PHACTR3: variants seen among roughly 807,000 people sequenced by gnomAD.
The protein encoded by PHACTR3 is phosphatase and actin regulator 3, also known as protein phosphatase 1, regulatory subunit 123.
Under a neutral mutation model 66.8 loss-of-function variants are expected in PHACTR3, and 16 were observed. The observed-to-expected ratio is 0.24, with a 90% CI of 0.16 to 0.36. The LOEUF (loss-of-function observed/expected upper bound fraction) is 0.36. Among genes scored for constraint, PHACTR3 ranks in the 10% least tolerant of loss-of-function variants. PHACTR3 has a pLI of 1.00. For synonymous variants in PHACTR3, 323 were observed against 292.1 expected (o/e 1.11, Z -1.08); for missense variants, 647 against 719.9 (o/e 0.90, Z 1.16).
At chr20:59,743,296 G>A in intron 2 of PHACTR3, 28 bp downstream of exon 2, 2 of 1,611,620 alleles carry the variant, frequency 1.2e-6, no homozygotes, top group Non-Finnish European at 1.7e-6. Flanking sequence ...GGCGCGGGCA[G>A]GCTGTGGCTG....
intron 4 of PHACTR3, among the ~76,000 whole-genome samples, chr20:59,759,926 G>T (rs916293916): frequency 6.2e-4 from 94 of 152,174 alleles, no homozygotes; most frequent in African/African-American, 2.1e-3. Flanking sequence ...GAAACCTCAT[G>T]GGGGCCCAGA....
chr20:59,830,945 A>G lies in PHACTR3; in HGVS notation c.1329-5560A>G, dbSNP rs1600734335. On this transcript the variant is annotated intron_variant, in intron 8 of 12. Transcript: ENST00000371015. The surrounding 1 kb of genome is among the most constrained non-coding windows in gnomAD (Gnocchi z 5.8). Reference sequence around the variant, plus strand: ...ATGTGGGTGGCACAGTGGCATCATGACTCCTGGAGCCTCTCCAGGCGTCCT... The same window carrying G: ...ATGTGGGTGGCACAGTGGCATCATGGCTCCTGGAGCCTCTCCAGGCGTCCT... Among the ~76,000 whole-genome samples the G allele has an allele frequency of 6.6e-6, 1 of 151,004 alleles. No homozygotes were observed. Among genetic ancestry groups the G allele is most frequent in the East Asian group, 2.0e-4 (1 of 5,100 alleles).
intron 1 of PHACTR3, among the ~76,000 whole-genome samples, chr20:59,636,509 A>G (rs1568950081): frequency 2.0e-5 from 3 of 152,150 alleles, no homozygotes; most frequent in African/African-American, 4.8e-5. Context: ...TCAGCACACC[A>G]TGGGAGGCAT....
chr20:59,617,845 G>T (rs2034088930), intron 1 of PHACTR3, among the ~76,000 whole-genome samples: 1 of 152,180 alleles, frequency 6.6e-6, no homozygotes, highest in Non-Finnish European at 1.5e-5. Context: ...CAAATTTAGT[G>T]CCTATGATAA....
intron 1 of PHACTR3, among the ~76,000 whole-genome samples, chr20:59,706,725 T>G (rs776132928): frequency 2.6e-5 from 4 of 152,192 alleles, no homozygotes; most frequent in Non-Finnish European, 4.4e-5. Flanking sequence ...ACACACATGG[T>G]CACACACATA....
chr20:59,740,595 C>T (rs1224511488), intron 1 of PHACTR3, among the ~76,000 whole-genome samples: 1 of 152,248 alleles, frequency 6.6e-6, no homozygotes, highest in Admixed American at 6.5e-5. Context: ...CTGTACTGGC[C>T]TTCCCAGAAT....
At chr20:59,758,519 G>A (rs1012755218) in intron 4 of PHACTR3, among the ~76,000 whole-genome samples, 8 of 152,166 alleles carry the variant, frequency 5.3e-5, no homozygotes, top group Admixed American at 2.0e-4. Flanking sequence ...GGATGCAGCT[G>A]GCTTATTAGC....
intron 1 of PHACTR3, among the ~76,000 whole-genome samples, chr20:59,620,777 T>G (rs965278456): frequency 2.6e-5 from 4 of 152,176 alleles, no homozygotes; most frequent in Admixed American, 1.3e-4. Context: ...ATCACACCCT[T>G]TCCCACCCTG....
At chr20:59,676,122 C>T (rs1487895933) in intron 1 of PHACTR3, among the ~76,000 whole-genome samples, 2 of 152,216 alleles carry the variant, frequency 1.3e-5, no homozygotes, top group African/African-American at 4.8e-5. Context: ...GCCAAGGTCC[C>T]CTCTGCCCCA....
Position 59,767,256 on chromosome 20 carries a change from CTCCCA to C in PHACTR3, c.613_617del (p.Gln206LeufsTer5). On this transcript the variant is annotated frameshift_variant, in exon 5 of 13. Transcript: ENST00000371015. LOFTEE classifies it high-confidence loss of function. ...GCCTCCTGCCCACCACCAATGAGCT[CTCCCA>C]AGCCTTAGCTGGGGCTGACTCCCTG... 6.2e-7 allele frequency: 1 copy of C among 1,614,262 alleles called. No homozygotes were observed.
chr20:59,755,258 G>T lies in PHACTR3; in HGVS notation c.435G>T (p.Glu145Asp). The T allele has an allele frequency of 6.2e-7, 1 of 1,613,946 alleles. No individual in the cohort carries two copies. The highest frequency in any genetic ancestry group is 8.5e-7 in the Non-Finnish European group (1 of 1,180,040). ...GTGAACCACCCACTCCCAAGTCGGA[G>T]ACGCTGACTTCAGAAGATGCCCAGC... ...VQSEPPTPKS[E>D]TLTSEDAQPG... Residue 145 changes from glutamate (E) to aspartate (D), a missense_variant, in exon 4 of 13, where the codon GAG (glutamate) becomes GAT (aspartate). Physicochemically the swap from Glu to Asp is conservative, Grantham distance 45. Coordinates refer to ENST00000371015, the MANE Select transcript of PHACTR3 (RefSeq NM_080672.5).
intron 1 of PHACTR3, among the ~76,000 whole-genome samples, chr20:59,615,083 G>A (rs2033984617): frequency 6.6e-6 from 1 of 152,084 alleles, no homozygotes; most frequent in Non-Finnish European, 1.5e-5. Flanking sequence ...TATACAACCA[G>A]AGATACAGGT....
intron 1 of PHACTR3, among the ~76,000 whole-genome samples, chr20:59,624,190 G>T (rs561237396): frequency 1.7e-4 from 26 of 152,150 alleles, no homozygotes; most frequent in Admixed American, 6.5e-4. Flanking sequence ...ATGGGTGTTT[G>T]GATATTTTGA....
At chr20:59,662,414 A>G (rs370477137) in intron 1 of PHACTR3, among the ~76,000 whole-genome samples, 43 of 152,138 alleles carry the variant, frequency 2.8e-4, no homozygotes, top group African/African-American at 5.3e-4. Context: ...GTGGAGAGGA[A>G]TGTGGAGCAG....
intron 10 of PHACTR3, among the ~76,000 whole-genome samples, chr20:59,840,656 A>AG (rs2059042263): frequency 6.6e-6 from 1 of 152,264 alleles, no homozygotes; most frequent in Admixed American, 6.5e-5. Flanking sequence ...TAGCACTTGG[A>AG]GAGGTGCACA....
chr20:59,721,570 G>A (rs1422026598), intron 1 of PHACTR3: 2 of 152,340 alleles, frequency 1.3e-5, no homozygotes, highest in South Asian at 2.1e-4. Flanking sequence ...GCCAGGCCAG[G>A]AGTTGGGAAG....
At chr20:59,775,275 C>A (rs1037996934) in intron 7 of PHACTR3, among the ~76,000 whole-genome samples, 1 of 152,076 alleles carries the variant, frequency 6.6e-6, no homozygotes, top group African/African-American at 2.4e-5. Flanking sequence ...CCAGGGCGGC[C>A]GTGGTGTTTG....
At position 59,738,446 on chromosome 20, in the gene PHACTR3, A is replaced by G. The variant is rs1196903002; in HGVS notation, c.119-4661A>G. On this transcript the variant is annotated intron_variant, in intron 1 of 12. Coordinates refer to ENST00000371015, the MANE Select transcript of PHACTR3 (RefSeq NM_080672.5). The surrounding 1 kb of genome is among the most constrained non-coding windows in gnomAD (Gnocchi z 4.4). Reference sequence around the variant, plus strand: ...GTGATAGGGTTAGAGCTCTATTTCTAAGACATCGGATCACAGGAAGACCAG... The same window carrying G: ...GTGATAGGGTTAGAGCTCTATTTCTGAGACATCGGATCACAGGAAGACCAG... 6.6e-6 allele frequency among the ~76,000 whole-genome samples: 1 copy of G among 152,162 alleles called. No homozygotes were observed. The highest frequency in any genetic ancestry group is 1.5e-5 in the Non-Finnish European group (1 of 68,020).
chr20:59,592,461 C>T (rs917223122), intron 1 of PHACTR3, among the ~76,000 whole-genome samples: 1 of 152,212 alleles, frequency 6.6e-6, no homozygotes, highest in African/African-American at 2.4e-5. Context: ...GAAGATCACC[C>T]ACAGTCCCTG....
Sources: allele counts gnomAD v4.1 joint callset (sites outside exome capture counted in the v4.1 genomes callset), GRCh38; gene constraint gnomAD v4.1.1; non-coding constraint Gnocchi (gnomAD v3.1); transcripts MANE v1.5; gene names NCBI Gene and HGNC (gene_info 2026-07-23, HGNC 2026-07-21).